B4GALT1: variants seen among roughly 807,000 people sequenced by gnomAD.
B4GALT1 encodes the protein beta-1,4-galactosyltransferase 1.
B4GALT1 carries 16 observed loss-of-function variants against 34.9 expected under a neutral mutation model. That is an observed-to-expected ratio of 0.46 (90% confidence interval 0.31 to 0.70). The LOEUF is 0.70. B4GALT1 is among the 30% of genes least tolerant of loss of function. The pLI is 0.05. For missense variants in B4GALT1, 445 were observed against 530.5 expected, an observed-to-expected ratio of 0.84 and a Z score of 1.58; for synonymous variants, 221 against 218.1, an observed-to-expected ratio of 1.01 and a Z score of -0.12.
chr9:33,175,620 C>G, the B4GALT1 span, among the ~76,000 whole-genome samples: 1 of 152,120 alleles, frequency 6.6e-6, no homozygotes, highest in Admixed American at 6.5e-5. Context: ...TTATATTTTA[C>G]AGTGTATTAT....
intron 1 of B4GALT1, among the ~76,000 whole-genome samples, chr9:33,135,901 G>T (rs1840263028): frequency 8.5e-6 from 1 of 117,468 alleles, no homozygotes; most frequent in African/African-American, 2.9e-5. Flanking sequence ...GTGTGTGTGT[G>T]TGTGTGTGTA....
At chr9:33,124,864 T>C (rs765326889) in intron 2 of B4GALT1, among the ~76,000 whole-genome samples, 28 of 152,202 alleles carry the variant, frequency 1.8e-4, no homozygotes, top group African/African-American at 6.3e-4. Flanking sequence ...GTGGCTTACA[T>C]GATTAGAGTT....
At chr9:33,173,191 G>T in the B4GALT1 span, among the ~76,000 whole-genome samples, 6 of 152,140 alleles carry the variant, frequency 3.9e-5, no homozygotes, top group Admixed American at 3.3e-4. Flanking sequence ...ATCACCTGAG[G>T]TCAGCAGTTA....
At position 33,113,538 on chromosome 9, in the gene B4GALT1, C is replaced by G. The variant is rs767713354; in HGVS notation, c.1113G>C (p.Leu371Phe). The G allele has an allele frequency of 1.4e-5, 23 of 1,614,114 alleles. No homozygotes were observed. The South Asian group carries it at 2.4e-4, about 17-fold the overall frequency. ...HTKETMLSDG[L>F]NSLTYQVLDV... ...CCAGCACCTGGTAGGTGAGTGAGTT[C>G]AAACCATCAGAGAGCATTGTCTCCT... The change falls in exon 6 of 6, where the codon TTG (leucine) becomes TTC (phenylalanine). Residue 371 changes from leucine to phenylalanine, a missense_variant. Transcript: ENST00000379731.
At chr9:33,181,460 A>ACACACACACAC in the B4GALT1 span, among the ~76,000 whole-genome samples, 31 of 151,714 alleles carry the variant, frequency 2.0e-4, no homozygotes, top group South Asian at 1.3e-3. Context: ...ACACACACAC[A>ACACACACACAC]AACTATTCTT....
intron 2 of B4GALT1, among the ~76,000 whole-genome samples, chr9:33,125,714 T>A (rs1281858932): frequency 2.6e-5 from 4 of 152,104 alleles, no homozygotes; most frequent in Non-Finnish European, 5.9e-5. Context: ...AAATCCTAAC[T>A]GTGGTTAAGG....
chr9:33,148,815 A>AAAT (rs1461789072), intron 1 of B4GALT1, among the ~76,000 whole-genome samples: 1 of 151,842 alleles, frequency 6.6e-6, no homozygotes, highest in African/African-American at 2.4e-5. Context: ...AAAAAAAAAA[A>AAAT]AAAAAATGCT....
upstream of B4GALT1, among the ~76,000 whole-genome samples, chr9:33,171,636 C>T (rs1453495917): frequency 4.6e-5 from 7 of 151,950 alleles, no homozygotes; most frequent in East Asian, 1.9e-4. Context: ...GTCACTATAA[C>T]GTCAAACTCC....
At chr9:33,126,663 A>ATTAACATTGTTAAC (rs1840112974) in intron 2 of B4GALT1, among the ~76,000 whole-genome samples, 1 of 151,394 alleles carries the variant, frequency 6.6e-6, no homozygotes, top group Admixed American at 6.6e-5. Context: ...AACCATAGCA[A>ATTAACATTGTTAAC]TATGGTAGCT....
chr9:33,126,737 G>A (rs1170640728), intron 2 of B4GALT1, among the ~76,000 whole-genome samples: 1 of 70,074 alleles, frequency 1.4e-5, no homozygotes, highest in Non-Finnish European at 3.6e-5. Flanking sequence ...TGAGAGAGAT[G>A]GGCCTTCAAG....
chr9:33,180,868 C>A, the B4GALT1 span, among the ~76,000 whole-genome samples: 1 of 152,130 alleles, frequency 6.6e-6, no homozygotes, highest in Admixed American at 6.5e-5. Context: ...TGTTGAGTGA[C>A]AAGTATAATG....
intron 1 of B4GALT1, among the ~76,000 whole-genome samples, chr9:33,140,868 C>T (rs942380969): frequency 1.3e-5 from 2 of 152,278 alleles, no homozygotes; most frequent in East Asian, 1.9e-4. Context: ...CGTGAAATCA[C>T]GGTGCCCCTT....
chr9:33,149,577 G>A (rs962705656), intron 1 of B4GALT1, among the ~76,000 whole-genome samples: 1 of 152,118 alleles, frequency 6.6e-6, no homozygotes, highest in Non-Finnish European at 1.5e-5. Context: ...GAGCTACTAC[G>A]CCCGGCCAGA....
At chr9:33,137,885 T>C (rs1840293660) in intron 1 of B4GALT1, among the ~76,000 whole-genome samples, 1 of 152,056 alleles carries the variant, frequency 6.6e-6, no homozygotes, top group African/African-American at 2.4e-5. Flanking sequence ...CAAAGGCTAC[T>C]GGGGGGGCCC....
chr9:33,182,865 A>G, the B4GALT1 span, among the ~76,000 whole-genome samples: 7 of 152,174 alleles, frequency 4.6e-5, no homozygotes, highest in African/African-American at 1.7e-4. Flanking sequence ...ATATACAAAA[A>G]TAGAGAAAAT....
At chr9:33,163,301 G>A (rs1285158026) in intron 1 of B4GALT1, among the ~76,000 whole-genome samples, 4 of 152,194 alleles carry the variant, frequency 2.6e-5, no homozygotes, top group East Asian at 1.9e-4. Context: ...CAGGGAAACC[G>A]GCTCATGAGC....
At chr9:33,165,779 T>C (rs1247830015) in intron 1 of B4GALT1, among the ~76,000 whole-genome samples, 1 of 152,210 alleles carries the variant, frequency 6.6e-6, no homozygotes, top group Non-Finnish European at 1.5e-5. Context: ...TGTGGGCCTG[T>C]AGGTTACAGG....
the B4GALT1 span, among the ~76,000 whole-genome samples, chr9:33,173,750 T>A: frequency 6.6e-6 from 1 of 152,092 alleles, no homozygotes; most frequent in Non-Finnish European, 1.5e-5. Flanking sequence ...GGCTGATTGC[T>A]GATTCCAGGG....
At chr9:33,163,665 G>C (rs1840707291) in intron 1 of B4GALT1, among the ~76,000 whole-genome samples, 1 of 152,222 alleles carries the variant, frequency 6.6e-6, no homozygotes, top group African/African-American at 2.4e-5. Flanking sequence ...AGATAAACAT[G>C]ACGGGGGAAG....
Sources: gnomAD v4.1 joint callset for allele counts (sites outside exome capture counted in the v4.1 genomes callset) on GRCh38, gnomAD v4.1.1 for gene constraint, MANE v1.5 for transcripts, NCBI Gene and HGNC (gene_info 2026-07-23, HGNC 2026-07-21) for gene names.